Variants in HERC4 observed in about 807,000 individuals in gnomAD.
HERC4 encodes the protein HECT and RLD domain containing E3 ubiquitin protein ligase 4, also known as probable E3 ubiquitin-protein ligase HERC4.
In HERC4, 28 loss-of-function variants were observed where a neutral mutation model predicts 124.3. The ratio of observed to expected loss-of-function variants is 0.23; its 90% CI spans 0.17 to 0.31. The LOEUF (loss-of-function observed/expected upper bound fraction) is 0.31, where lower values mean the gene tolerates loss of function less well. Ranked by LOEUF, HERC4 falls within the 10% of genes least tolerant of loss-of-function variation. The pLI, the probability that HERC4 is intolerant of heterozygous loss-of-function variation, is 1.00. For missense variants in HERC4, 713 were observed against 1,229.3 expected (o/e 0.58, Z 6.28); for synonymous variants, 407 against 421.5 (o/e 0.97, Z 0.42).
At chr10:67,963,842 C>G (rs1359032913) in intron 16 of HERC4, among the ~76,000 whole-genome samples, 1 of 152,100 alleles carries the variant, frequency 6.6e-6, no homozygotes, top group Admixed American at 6.5e-5. Context: ...ACTGCAATAT[C>G]TATTATGCCC....
chr10:67,927,409 TATATATATATATATATA>T (rs1342615679), intron 23 of HERC4, among the ~76,000 whole-genome samples: 186 of 10,386 alleles, frequency 0.018, 12 homozygotes, highest in African/African-American at 0.036. Context: ...TATATATATA[TATATATATATATATATA>T]TATATTTTTT....
intron 3 of HERC4, chr10:68,068,679 A>G (rs912223739): frequency 1.2e-4 from 19 of 152,184 alleles, no homozygotes; most frequent in Middle Eastern, 3.3e-3. Context: ...TAAAAAATAA[A>G]AAACCCTCAG....
intron 19 of HERC4, among the ~76,000 whole-genome samples, chr10:67,952,793 G>A (rs938024644): frequency 2.6e-5 from 4 of 151,646 alleles, no homozygotes; most frequent in Admixed American, 1.3e-4. Flanking sequence ...CCAGCTACTC[G>A]GGAGGCTGAG....
intron 15 of HERC4, chr10:67,988,236 T>C (rs1178245714): frequency 6.6e-6 from 1 of 152,302 alleles, no homozygotes; most frequent in Non-Finnish European, 1.5e-5. Context: ...AATGAAATGT[T>C]CTACTTTGAG....
At chr10:67,946,958 G>T (rs936266343) in intron 19 of HERC4, among the ~76,000 whole-genome samples, 13 of 151,998 alleles carry the variant, frequency 8.6e-5, no homozygotes, top group African/African-American at 3.1e-4. Context: ...ATACTGGACT[G>T]CCCAGATATA....
At position 67,932,495 on chromosome 10, in the gene HERC4, G is replaced by A; in HGVS notation, c.2838+102C>T. 6.4e-6 allele frequency: 6 copies of A among 940,272 alleles called. No homozygotes were observed. The South Asian group carries it at 1.0e-4, about 16-fold the overall frequency. 58.2% of individuals were successfully genotyped at this position (940,272 alleles called of 1,614,324 possible). A position where few individuals can be genotyped will look rare whatever the true frequency, so the allele number is the denominator to read the frequency against. On this transcript the variant is annotated intron_variant, in intron 23 of 24. Coordinates refer to ENST00000373700, the MANE Select transcript of HERC4 (RefSeq NM_015601.4). ...GGGTAGAGTGCTTTCCTGTAAAATG[G>A]TAGTAATAAAGTGTATAAAATAAAA... is the stretch of plus-strand genomic sequence containing the variant.
intron 16 of HERC4, 45 bp from the exon 17 acceptor site, chr10:67,957,021 A>G: frequency 9.0e-7 from 1 of 1,113,654 alleles, no homozygotes; most frequent in Non-Finnish European, 1.3e-6. Flanking sequence ...GATTTGTGAT[A>G]TACTTACTGT....
At chr10:68,010,599 A>G (rs1222693180) in intron 9 of HERC4, 2 of 1,288,200 alleles carry the variant, frequency 1.6e-6, no homozygotes, top group East Asian at 2.4e-5. Context: ...TCAGGCCTGC[A>G]CGAGGGTTTC....
At chr10:67,996,441 A>G (rs1444637914) in intron 9 of HERC4, among the ~76,000 whole-genome samples, 1 of 152,196 alleles carries the variant, frequency 6.6e-6, no homozygotes, top group Non-Finnish European at 1.5e-5. Context: ...AAACAGTGAT[A>G]GAGCTACAAC....
intron 19 of HERC4, among the ~76,000 whole-genome samples, chr10:67,948,060 G>A (rs147920476): frequency 2.0e-5 from 3 of 151,692 alleles, no homozygotes; most frequent in African/African-American, 7.3e-5. Context: ...ATACTTAAGA[G>A]ACTAATGAAA....
chr10:67,955,067 C>T lies in HERC4; in HGVS notation c.2089G>A (p.Val697Met). The change falls in exon 18 of 25, where the codon GTG (valine) becomes ATG (methionine). Residue 697 changes from valine (V) to methionine (M), a missense_variant. Val to Met is a conservative substitution (Grantham distance 21). Coordinates refer to ENST00000373700, the MANE Select transcript of HERC4 (RefSeq NM_015601.4). ...ACCACTAGAATTAAGCAGGGATTCA[C>T]AGATTCAATCACTGGGAGAAAAAGA... is the stretch of plus-strand genomic sequence containing the variant. ...SSLFLPVIES[V>M]NPCLILVVRR... The T allele has an allele frequency of 6.3e-7, 1 of 1,597,578 alleles. No individual in the cohort carries two copies. The highest frequency in any genetic ancestry group is 8.5e-7 in the Non-Finnish European group (1 of 1,174,024).
At chr10:67,977,983 A>G (rs2035696149) in intron 15 of HERC4, among the ~76,000 whole-genome samples, 2 of 150,272 alleles carry the variant, frequency 1.3e-5, no homozygotes, top group East Asian at 3.9e-4. Flanking sequence ...CTTGTCTCAA[A>G]AAAGCCCTTG....
At chr10:68,059,491 TAAC>T (rs1384880979) in intron 3 of HERC4, among the ~76,000 whole-genome samples, 1 of 130,894 alleles carries the variant, frequency 7.6e-6, no homozygotes, top group East Asian at 2.1e-4. Context: ...TTATATATTA[TAAC>T]ATTATATATT....
intron 3 of HERC4, chr10:68,069,594 A>G: frequency 1.0e-6 from 1 of 985,378 alleles, no homozygotes; most frequent in Non-Finnish European, 1.2e-6. Flanking sequence ...GTAGGTTATT[A>G]TGAATCTCGA....
At chr10:68,060,925 A>C (rs1482419088) in intron 3 of HERC4, among the ~76,000 whole-genome samples, 1 of 152,194 alleles carries the variant, frequency 6.6e-6, no homozygotes. Context: ...ATCCTAAAAA[A>C]AAAAAAGTCA....
chr10:68,060,627 A>T (rs1176004997), intron 3 of HERC4, among the ~76,000 whole-genome samples: 1 of 152,138 alleles, frequency 6.6e-6, no homozygotes, highest in Non-Finnish European at 1.5e-5. Context: ...ATGCAGTACC[A>T]ACTTATAATG....
At chr10:67,959,157 A>G (rs753487159) in intron 16 of HERC4, 9 of 1,574,944 alleles carry the variant, frequency 5.7e-6, no homozygotes, top group South Asian at 2.4e-5. Context: ...AGTGCAGAAT[A>G]TAACAATAAC....
chr10:68,004,590 C>CT (rs1002390135), intron 9 of HERC4, among the ~76,000 whole-genome samples: 4 of 152,100 alleles, frequency 2.6e-5, no homozygotes, highest in African/African-American at 4.8e-5. Flanking sequence ...GTGTATTCGT[C>CT]TGTTTTCATG....
chr10:67,947,586 C>A (rs899680104), intron 19 of HERC4, among the ~76,000 whole-genome samples: 1 of 152,142 alleles, frequency 6.6e-6, no homozygotes, highest in Non-Finnish European at 1.5e-5. Context: ...ACCTGAACTA[C>A]ATTATAAACC....
Sources: gnomAD v4.1 joint callset for allele counts (sites outside exome capture counted in the v4.1 genomes callset) on GRCh38, gnomAD v4.1.1 for gene constraint, MANE v1.5 for transcripts, NCBI Gene and HGNC (gene_info 2026-07-23, HGNC 2026-07-21) for gene names.